PCDHGA2: variants seen among roughly 807,000 people sequenced by gnomAD.
PCDHGA2 encodes the protein protocadherin gamma subfamily A, 2.
Under a neutral mutation model 59.2 loss-of-function variants are expected in PCDHGA2, and 40 were observed. The ratio of observed to expected loss-of-function variants is 0.68; its 90% CI spans 0.52 to 0.88. The LOEUF is 0.88. PCDHGA2 is among the 40% of genes least tolerant of loss of function. The pLI is 0.00. For missense variants in PCDHGA2, 1,226 were observed against 1,204.0 expected (o/e 1.02, Z -0.27); for synonymous variants, 560 against 526.0 (o/e 1.06, Z -0.89).
At chr5:141,343,986 G>T (rs372729421) in intron 1 of PCDHGA2, 5 of 1,453,968 alleles carry the variant, frequency 3.4e-6, no homozygotes, top group Non-Finnish European at 2.8e-6. Flanking sequence ...GGAGTCCGTC[G>T]TAGGAAACTG....
chr5:141,370,835 C>G, intron 1 of PCDHGA2: 1 of 1,613,964 alleles, frequency 6.2e-7, no homozygotes, highest in East Asian at 2.2e-5. Flanking sequence ...AACTGGCTCT[C>G]ACTGGAGCCA....
chr5:141,444,997 A>G (rs2154560871), intron 1 of PCDHGA2, among the ~76,000 whole-genome samples: 1 of 152,292 alleles, frequency 6.6e-6, no homozygotes, highest in Admixed American at 6.5e-5. Context: ...ATATATTTCC[A>G]TTTAATTAGG....
intron 1 of PCDHGA2, chr5:141,409,887 TGCTGTAC>T: frequency 6.2e-7 from 1 of 1,613,062 alleles, no homozygotes; most frequent in Non-Finnish European, 8.5e-7. Flanking sequence ...GCACCGCGGG[TGCTGTAC>T]CCAGCTCTGG....
At chr5:141,437,796 G>A (rs2097911691) in intron 1 of PCDHGA2, among the ~76,000 whole-genome samples, 1 of 150,348 alleles carries the variant, frequency 6.7e-6, no homozygotes, top group South Asian at 2.1e-4. Context: ...GGAGTGCAGT[G>A]GCACTATCTT....
intron 1 of PCDHGA2, chr5:141,411,907 G>A (rs2095522781): frequency 1.3e-5 from 2 of 152,156 alleles, no homozygotes; most frequent in Non-Finnish European, 2.9e-5. Flanking sequence ...TATTGCCTTT[G>A]CACTCAGTCT....
At chr5:141,364,276 T>C (rs1045557569) in intron 1 of PCDHGA2, 1 of 1,515,100 alleles carries the variant, frequency 6.6e-7, no homozygotes, top group Middle Eastern at 1.8e-4. Flanking sequence ...TTTAGATAAA[T>C]AAGGAAACAG....
chr5:141,476,619 CTT>C lies in PCDHGA2; in HGVS notation c.2425-18186_2425-18185del. Reference sequence around the variant, plus strand: ...CACGATCCCGATGTGGGAAGCAACTCTTTACAAACCTATGAGCTGAGCCGAAA... The same window carrying C: ...CACGATCCCGATGTGGGAAGCAACTCTACAAACCTATGAGCTGAGCCGAAA... On this transcript the variant is annotated intron_variant, in intron 1 of 3. Transcript: ENST00000394576. This position sits in a 1 kb window ranked among gnomAD's most constrained non-coding sequence, Gnocchi z 7.6. The C allele has an allele frequency of 1.2e-6, 2 of 1,614,258 alleles. No homozygotes were observed. The highest frequency in any genetic ancestry group is 1.7e-6 in the Non-Finnish European group (2 of 1,180,052).
At chr5:141,341,820 A>G (rs993076592) in intron 1 of PCDHGA2, 3 of 217,172 alleles carry the variant, frequency 1.4e-5, no homozygotes, top group African/African-American at 6.9e-5. Context: ...TTGAATCTGT[A>G]TATGAACAGT....
chr5:141,490,612 C>G lies in PCDHGA2; in HGVS notation c.2425-4195C>G, dbSNP rs1393568166. ...CAATGCACCCCGCTTCAACCAGCAG[C>G]TTTACACTGCTTACATCCTAGAAAA... On this transcript the variant is annotated intron_variant, in intron 1 of 3. Coordinates refer to ENST00000394576, the MANE Select transcript of PCDHGA2 (RefSeq NM_018915.4). This position sits in a 1 kb window ranked among gnomAD's most constrained non-coding sequence, Gnocchi z 5.4. The G allele has an allele frequency of 6.2e-7, 1 of 1,614,082 alleles. No homozygotes were observed. Among genetic ancestry groups the G allele is most frequent in the Non-Finnish European group, 8.5e-7 (1 of 1,180,032 alleles).
At chr5:141,370,783 C>G in intron 1 of PCDHGA2, 2 of 1,614,010 alleles carry the variant, frequency 1.2e-6, no homozygotes, top group African/African-American at 1.3e-5. Flanking sequence ...AACGACAACC[C>G]ACCGACCTTT....
intron 1 of PCDHGA2, chr5:141,388,335 C>G: frequency 1.2e-6 from 2 of 1,613,810 alleles, no homozygotes; most frequent in Non-Finnish European, 1.7e-6. Context: ...GCCTGGCACA[C>G]GATTTATATT....
At chr5:141,456,873 G>A (rs2098894054) in intron 1 of PCDHGA2, among the ~76,000 whole-genome samples, 1 of 152,152 alleles carries the variant, frequency 6.6e-6, no homozygotes, top group Non-Finnish European at 1.5e-5. Context: ...TGAGGCAGGA[G>A]AATCGCTTGA....
intron 1 of PCDHGA2, among the ~76,000 whole-genome samples, chr5:141,445,738 T>G (rs553879167): frequency 9.9e-5 from 15 of 152,122 alleles, no homozygotes; most frequent in Non-Finnish European, 1.9e-4. Context: ...AAAGATCTTT[T>G]TAAAAAATAA....
chr5:141,376,635 T>C, intron 1 of PCDHGA2: 3 of 1,245,578 alleles, frequency 2.4e-6, no homozygotes, highest in Non-Finnish European at 3.3e-6. Flanking sequence ...AGATTCGTGA[T>C]TTTGTAAAGT....
chr5:141,474,703 C>A (rs2099353282), intron 1 of PCDHGA2, among the ~76,000 whole-genome samples: 1 of 152,188 alleles, frequency 6.6e-6, no homozygotes, highest in African/African-American at 2.4e-5. Flanking sequence ...GTTCAAGGTT[C>A]TATTATACTT....
chr5:141,361,550 C>T (rs749597862), intron 1 of PCDHGA2: 3 of 1,614,060 alleles, frequency 1.9e-6, no homozygotes, highest in Non-Finnish European at 2.5e-6. Flanking sequence ...GCCTCTATCG[C>T]TCAAATCAGT....
intron 1 of PCDHGA2, chr5:141,342,712 C>T (rs1478938077): frequency 6.6e-6 from 1 of 152,094 alleles, no homozygotes; most frequent in Non-Finnish European, 1.5e-5. Flanking sequence ...TGTGTAGTAA[C>T]TCCACAAGAA....
At chr5:141,492,009 G>C in intron 1 of PCDHGA2, 1 of 617,702 alleles carries the variant, frequency 1.6e-6, no homozygotes, top group Non-Finnish European at 2.7e-6. Flanking sequence ...GATTTCCGCG[G>C]GTGTCGGGGG....
intron 1 of PCDHGA2, chr5:141,418,614 G>C: frequency 1.2e-6 from 2 of 1,613,994 alleles, no homozygotes; most frequent in Non-Finnish European, 1.7e-6. Flanking sequence ...GTTAGCCTTC[G>C]GGAAGACGTG....
Sources: allele counts gnomAD v4.1 joint callset (sites outside exome capture counted in the v4.1 genomes callset), GRCh38; gene constraint gnomAD v4.1.1; non-coding constraint Gnocchi (gnomAD v3.1); transcripts MANE v1.5; gene names NCBI Gene and HGNC (gene_info 2026-07-23, HGNC 2026-07-21).